NRXN3: variants seen among roughly 807,000 people sequenced by gnomAD.
NRXN3 encodes the protein neurexin 3, also known as neurexin III.
In NRXN3, 32 loss-of-function variants were observed where a neutral mutation model predicts 137.6. The ratio of observed to expected loss-of-function variants is 0.23; its 90% confidence interval spans 0.18 to 0.31. The LOEUF (loss-of-function observed/expected upper bound fraction) is 0.31. Ranked by LOEUF, NRXN3 falls within the 10% of genes least tolerant of loss-of-function variation. The pLI is 1.00. For synonymous variants in NRXN3, 798 were observed against 784.5 expected, an observed-to-expected ratio of 1.02 and a Z score of -0.29; for missense variants, 1,574 against 2,062.5, an observed-to-expected ratio of 0.76 and a Z score of 4.59.
At chr14:78,819,169 T>A (rs2153120248) in intron 10 of NRXN3, among the ~76,000 whole-genome samples, 1 of 152,264 alleles carries the variant, frequency 6.6e-6, no homozygotes, top group Non-Finnish European at 1.5e-5. Context: ...AAAATACTAT[T>A]TCTGTTTTCC....
chr14:78,802,409 G>A (rs1334662374), intron 8 of NRXN3, among the ~76,000 whole-genome samples: 1 of 152,164 alleles, frequency 6.6e-6, no homozygotes, highest in Non-Finnish European at 1.5e-5. Flanking sequence ...GGGAGGGATA[G>A]CATTAGGAGA....
At chr14:78,711,604 C>A (rs2098408923) in intron 7 of NRXN3, among the ~76,000 whole-genome samples, 1 of 151,978 alleles carries the variant, frequency 6.6e-6, no homozygotes, top group Non-Finnish European at 1.5e-5. Context: ...CCAAGCCCAG[C>A]TAATTTTTGT....
At chr14:78,189,751 A>G (rs1218574148) in intron 1 of NRXN3, among the ~76,000 whole-genome samples, 1 of 151,928 alleles carries the variant, frequency 6.6e-6, no homozygotes, top group African/African-American at 2.4e-5. Flanking sequence ...ACACCTAGAT[A>G]ATTTTTGTAT....
At chr14:78,833,420 C>A (rs1596327777) in intron 10 of NRXN3, among the ~76,000 whole-genome samples, 1 of 152,128 alleles carries the variant, frequency 6.6e-6, no homozygotes, top group South Asian at 2.1e-4. Flanking sequence ...GCAGTGTGTC[C>A]ATCCACCCTT....
intron 14 of NRXN3, among the ~76,000 whole-genome samples, chr14:78,982,164 T>G (rs1314368552): frequency 6.6e-6 from 1 of 152,224 alleles, no homozygotes; most frequent in African/African-American, 2.4e-5. Context: ...TGAGCTCTTA[T>G]TGGTAAATTC....
chr14:78,805,689 C>G (rs1368989682), intron 9 of NRXN3, among the ~76,000 whole-genome samples: 1 of 151,886 alleles, frequency 6.6e-6, no homozygotes, highest in African/African-American at 2.4e-5. Flanking sequence ...GGATCTATTT[C>G]AAAGTCAGAG....
intron 14 of NRXN3, among the ~76,000 whole-genome samples, chr14:78,975,008 AT>A (rs1238980941): frequency 3.9e-5 from 6 of 152,136 alleles, no homozygotes; most frequent in Non-Finnish European, 5.9e-5. Context: ...GTAGTGTTTT[AT>A]TTTTTATTTA....
At chr14:78,890,867 A>C (rs1037288788) in intron 10 of NRXN3, among the ~76,000 whole-genome samples, 1 of 151,844 alleles carries the variant, frequency 6.6e-6, no homozygotes, top group African/African-American at 2.4e-5. Context: ...GATGGATTTG[A>C]GTGGTGTTAG....
rs1602064685 is a variant in NRXN3 at position 78,662,189 on chromosome 14, A to G, written c.1221+10863A>G. Reference sequence around the variant, plus strand: ...GCCAGGCCCAGAATAAGCTTTTAACATGACAACTAATTGACAGATTAGAAT... The same window carrying G: ...GCCAGGCCCAGAATAAGCTTTTAACGTGACAACTAATTGACAGATTAGAAT... On this transcript the variant is annotated intron_variant, in intron 6 of 20. Transcript: ENST00000335750. Among the ~76,000 whole-genome samples the G allele has an allele frequency of 2.6e-5, 4 of 152,156 alleles. No individual in the cohort carries two copies. In the East Asian group the frequency reaches 7.7e-4, roughly 29 times the overall value.
chr14:78,402,385 A>G (rs938773245), intron 4 of NRXN3, among the ~76,000 whole-genome samples: 3 of 152,232 alleles, frequency 2.0e-5, no homozygotes, highest in Admixed American at 6.5e-5. Flanking sequence ...TATTGAATAT[A>G]TAATAATTCT....
chr14:79,364,205 A>C (rs1316734821), intron 15 of NRXN3, among the ~76,000 whole-genome samples: 1 of 152,122 alleles, frequency 6.6e-6, no homozygotes, highest in Non-Finnish European at 1.5e-5. Flanking sequence ...ATTCTAGATA[A>C]AATTATGACA....
intron 15 of NRXN3, among the ~76,000 whole-genome samples, chr14:79,395,940 A>C (rs1199376290): frequency 6.6e-6 from 1 of 152,220 alleles, no homozygotes; most frequent in Non-Finnish European, 1.5e-5. Flanking sequence ...ATGTGATATC[A>C]TGAGGTAAAT....
chr14:79,220,459 G>A (rs989696708), intron 15 of NRXN3, among the ~76,000 whole-genome samples: 7 of 152,056 alleles, frequency 4.6e-5, no homozygotes, highest in East Asian at 1.9e-4. Flanking sequence ...GTATTGACAC[G>A]TCATCACCCA....
intron 4 of NRXN3, among the ~76,000 whole-genome samples, chr14:78,619,117 CTGTTA>C (rs1457466788): frequency 6.6e-6 from 1 of 152,164 alleles, no homozygotes; most frequent in Non-Finnish European, 1.5e-5. Context: ...TCTTTGCCTG[CTGTTA>C]GTATTCTCCA....
intron 4 of NRXN3, among the ~76,000 whole-genome samples, chr14:78,351,072 T>G (rs780597717): frequency 2.6e-5 from 4 of 152,166 alleles, no homozygotes; most frequent in Non-Finnish European, 5.9e-5. Flanking sequence ...ATCACAGTAG[T>G]CCAGACTTTC....
At chr14:79,049,444 A>G (rs768620469) in intron 15 of NRXN3, among the ~76,000 whole-genome samples, 1 of 152,074 alleles carries the variant, frequency 6.6e-6, no homozygotes, top group Non-Finnish European at 1.5e-5. Flanking sequence ...TTCTCTTGCT[A>G]TTTCCACCAC....
intron 20 of NRXN3, among the ~76,000 whole-genome samples, chr14:79,848,371 G>T (rs1171980966): frequency 6.6e-6 from 1 of 152,146 alleles, no homozygotes; most frequent in Non-Finnish European, 1.5e-5. Context: ...ACAGCACACA[G>T]GGCGCATGCA....
At chr14:79,751,447 C>T (rs1056630209) in intron 19 of NRXN3, among the ~76,000 whole-genome samples, 15 of 150,130 alleles carry the variant, frequency 1.0e-4, no homozygotes, top group Admixed American at 9.3e-4. Context: ...GCTGAAGTTG[C>T]TTATCAGCTG....
chr14:78,976,715 G>T (rs1342041694), intron 14 of NRXN3, among the ~76,000 whole-genome samples: 6 of 152,106 alleles, frequency 3.9e-5, no homozygotes, highest in African/African-American at 1.4e-4. Flanking sequence ...TCCCATTATT[G>T]TTCTTGTGTC....
Sources: gnomAD v4.1 joint callset for allele counts (sites outside exome capture counted in the v4.1 genomes callset) on GRCh38, gnomAD v4.1.1 for gene constraint, MANE v1.5 for transcripts, NCBI Gene and HGNC (gene_info 2026-07-23, HGNC 2026-07-21) for gene names.